The following GPC6 variants were observed in gnomAD, a reference collection of about 807,000 sequenced individuals.
The protein encoded by GPC6 is glypican 6.
A neutral mutation model predicts 55.2 loss-of-function variants in GPC6; 14 were observed. That is an observed-to-expected ratio of 0.25 (90% CI 0.17 to 0.40). The LOEUF (loss-of-function observed/expected upper bound fraction) is 0.40, where lower values mean the gene tolerates loss of function less well. Among genes scored for constraint, GPC6 ranks in the 10% least tolerant of loss-of-function variants. GPC6 has a pLI of 1.00. For missense variants in GPC6, 641 were observed against 708.5 expected (o/e 0.90, Z 1.08); for synonymous variants, 278 against 259.6 (o/e 1.07, Z -0.68).
intron 1 of GPC6, among the ~76,000 whole-genome samples, chr13:93,350,343 A>G (rs1466676010): frequency 1.3e-5 from 2 of 152,160 alleles, no homozygotes; most frequent in Non-Finnish European, 2.9e-5. Context: ...CTGAGGCAGG[A>G]AAATTGCTTA....
chr13:93,507,297 C>G (rs542502061), intron 1 of GPC6, among the ~76,000 whole-genome samples: 1 of 152,254 alleles, frequency 6.6e-6, no homozygotes, highest in Admixed American at 6.5e-5. Context: ...CACCTTCTCT[C>G]TCCTTTCTCT....
At chr13:94,396,984 C>G (rs1880923137) in intron 7 of GPC6, among the ~76,000 whole-genome samples, 1 of 152,150 alleles carries the variant, frequency 6.6e-6, no homozygotes, top group Non-Finnish European at 1.5e-5. Flanking sequence ...TCCCCATCTC[C>G]TAGATTTGCT....
At chr13:93,928,125 G>A (rs1430336990) in intron 3 of GPC6, among the ~76,000 whole-genome samples, 1 of 152,078 alleles carries the variant, frequency 6.6e-6, no homozygotes, top group Non-Finnish European at 1.5e-5. Flanking sequence ...TTCCAGTGGT[G>A]GCCAGTTCAA....
rs1439310379 is a variant in GPC6, at chr13:93,566,318, C to T, written c.319+20897C>T. 3.3e-5 allele frequency among the ~76,000 whole-genome samples: 5 copies of T among 152,166 alleles called. No homozygotes were observed. The East Asian group carries it at 9.7e-4, about 29-fold the overall frequency. On this transcript the variant is annotated intron_variant, in intron 2 of 8. Coordinates refer to ENST00000377047, the MANE Select transcript of GPC6 (RefSeq NM_005708.5). Reference sequence around the variant, plus strand: ...CTTAAACATGTGCTAATGAAACACACTGAATATTGTTAGTGTTTTTATATA... The same window carrying T: ...CTTAAACATGTGCTAATGAAACACATTGAATATTGTTAGTGTTTTTATATA...
At chr13:94,096,821 G>T (rs1885675397) in intron 4 of GPC6, among the ~76,000 whole-genome samples, 1 of 152,118 alleles carries the variant, frequency 6.6e-6, no homozygotes, top group Admixed American at 6.5e-5. Context: ...GGTCTCACCA[G>T]TTCACTTCCT....
At chr13:93,603,793 A>G (rs1040756241) in intron 2 of GPC6, among the ~76,000 whole-genome samples, 10 of 152,234 alleles carry the variant, frequency 6.6e-5, no homozygotes, top group African/African-American at 2.4e-4. Flanking sequence ...TAATATCTCT[A>G]TATCTAGATA....
rs750513763 is a variant in GPC6 at position 93,388,688 on chromosome 13, G to A, written c.161-156575G>A. ...GGACATAGTCTCTTCCACCTTCCCC[G>A]TTACTTTCTGTCAGCTTATTCTATT... On this transcript the variant is annotated intron_variant, in intron 1 of 8. Transcript: ENST00000377047. 7.6e-4 allele frequency among the ~76,000 whole-genome samples: 116 copies of A among 152,176 alleles called. 1 individual carries two copies. The highest frequency in any genetic ancestry group is 1.2e-3 in the South Asian group (6 of 4,820).
chr13:93,721,231 A>T (rs2138823036), intron 2 of GPC6, among the ~76,000 whole-genome samples: 1 of 152,084 alleles, frequency 6.6e-6, no homozygotes, highest in South Asian at 2.1e-4. Context: ...AACTTGCTTT[A>T]TGAATCTGGG....
In GPC6 at chr13:93,626,663, A is replaced by G. The variant is rs759847071; in HGVS notation, c.319+81242A>G. On this transcript the variant is annotated intron_variant, in intron 2 of 8. Transcript: ENST00000377047. ...CTAAAAATACAAAAATTAGCCAGGCATAGTGGCACACGCCTATAGGCCCAG... is the reference window on the plus strand; with the variant it reads ...CTAAAAATACAAAAATTAGCCAGGCGTAGTGGCACACGCCTATAGGCCCAG... Among the ~76,000 whole-genome samples, 6 of 152,068 alleles carry G rather than the reference A, an allele frequency of 3.9e-5. 1 individual carries two copies. In the South Asian group the frequency reaches 1.2e-3, roughly 32 times the overall value.
chr13:93,780,467 AAAAC>A (rs1885603973), intron 2 of GPC6, among the ~76,000 whole-genome samples: 1 of 152,070 alleles, frequency 6.6e-6, no homozygotes, highest in African/African-American at 2.4e-5. Context: ...AATGGCATAT[AAAAC>A]AACCCCTAAA....
intron 4 of GPC6, among the ~76,000 whole-genome samples, chr13:94,135,199 A>T (rs755267382): frequency 3.3e-5 from 5 of 151,756 alleles, no homozygotes; most frequent in Non-Finnish European, 7.4e-5. Flanking sequence ...ATTTACAGAC[A>T]TGGGCTACCG....
At chr13:93,572,347 G>C (rs3910920) in intron 2 of GPC6, among the ~76,000 whole-genome samples, 137,755 of 152,188 alleles carry the variant, frequency 0.91, 62,550 homozygotes, top group African/African-American at 0.97. Flanking sequence ...TGTAGGGGAC[G>C]CTTGGGGATA....
At chr13:93,716,403 G>T (rs576188531) in intron 2 of GPC6, among the ~76,000 whole-genome samples, 1 of 151,636 alleles carries the variant, frequency 6.6e-6, no homozygotes, top group East Asian at 2.0e-4. Context: ...GAGACAAGAT[G>T]TGGAAGTGGA....
chr13:94,274,615 T>A (rs886640235), intron 4 of GPC6, among the ~76,000 whole-genome samples: 1 of 152,206 alleles, frequency 6.6e-6, no homozygotes, highest in Admixed American at 6.5e-5. Flanking sequence ...TGATGTTTAC[T>A]GAATGTGGAC....
chr13:93,256,859 T>A (rs572938947), intron 1 of GPC6, among the ~76,000 whole-genome samples: 3 of 152,296 alleles, frequency 2.0e-5, no homozygotes, highest in East Asian at 3.9e-4. Flanking sequence ...GAGACTGATG[T>A]TGAGATGTTT....
At chr13:94,017,156 A>G (rs1429251164) in intron 3 of GPC6, among the ~76,000 whole-genome samples, 1 of 151,976 alleles carries the variant, frequency 6.6e-6, no homozygotes, top group Non-Finnish European at 1.5e-5. Context: ...TTCTTTTCCC[A>G]TTGTTCATTG....
At chr13:93,577,488 A>G (rs1426594109) in intron 2 of GPC6, among the ~76,000 whole-genome samples, 1 of 26,856 alleles carries the variant, frequency 3.7e-5, no homozygotes, top group Non-Finnish European at 6.7e-5. Flanking sequence ...AAAAATAGAT[A>G]GCATTTTTTT....
intron 6 of GPC6, among the ~76,000 whole-genome samples, chr13:94,342,153 T>C (rs1412907493): frequency 6.6e-6 from 1 of 152,238 alleles, no homozygotes; most frequent in Non-Finnish European, 1.5e-5. Context: ...GAAGAACTAC[T>C]ATTTATTTCG....
intron 6 of GPC6, among the ~76,000 whole-genome samples, chr13:94,373,509 A>G (rs1413909607): frequency 1.3e-5 from 2 of 152,234 alleles, no homozygotes; most frequent in East Asian, 1.9e-4. Context: ...ACGGAAGTTT[A>G]GAGAAAAAAG....
Sources: gnomAD v4.1 joint callset for allele counts (sites outside exome capture counted in the v4.1 genomes callset) on GRCh38, gnomAD v4.1.1 for gene constraint, MANE v1.5 for transcripts, NCBI Gene and HGNC (gene_info 2026-07-23, HGNC 2026-07-21) for gene names.